MRPL13: variants seen among roughly 807,000 people sequenced by gnomAD.
The protein encoded by MRPL13 is mitochondrial ribosomal protein L13.
MRPL13 carries 33 observed loss-of-function variants against 29.0 expected under a neutral mutation model. That is an observed-to-expected ratio of 1.14 (90% CI 0.86 to 1.52). The LOEUF (loss-of-function observed/expected upper bound fraction) is 1.52, where lower values mean the gene tolerates loss of function less well. Ranked by LOEUF, MRPL13 falls within the 40% of genes most tolerant of loss-of-function variation. The probability of loss-of-function intolerance (pLI) is 0.00; values close to 1 mark genes in which losing one functional copy is unlikely to be tolerated. For synonymous variants in MRPL13, 77 were observed against 68.4 expected, an observed-to-expected ratio of 1.13 and a Z score of -0.62; for missense variants, 227 against 216.7, an observed-to-expected ratio of 1.05 and a Z score of -0.30.
intron 2 of MRPL13, among the ~76,000 whole-genome samples, chr8:120,438,599 G>A (rs1418737675): frequency 6.6e-6 from 1 of 152,168 alleles, no homozygotes; most frequent in Non-Finnish European, 1.5e-5. Context: ...TGTATTATTT[G>A]CATTTCTGCA....
At chr8:120,443,133 A>G (rs1478671283) in intron 2 of MRPL13, 52 bp downstream of exon 2, 24 of 1,415,874 alleles carry the variant, frequency 1.7e-5, no homozygotes, top group Non-Finnish European at 2.0e-5. Context: ...TCAAGATTCT[A>G]TTCTGGCATG....
intron 6 of MRPL13, among the ~76,000 whole-genome samples, chr8:120,405,838 C>T (rs1350992039): frequency 6.6e-6 from 1 of 152,118 alleles, no homozygotes; most frequent in Non-Finnish European, 1.5e-5. Context: ...AATCTCTTCA[C>T]TAGATTAAAT....
Position 120,402,944 on chromosome 8 carries a change from C to A in MRPL13, c.516-6819G>T, listed in dbSNP as rs367800910. Among the ~76,000 whole-genome samples, 122 of 152,196 alleles carry A rather than the reference C, an allele frequency of 8.0e-4. 1 individual carries two copies. The highest frequency in any genetic ancestry group is 2.8e-3 in the African/African-American group (115 of 41,548). ...AGAGAAATGCAAATCAAAACCACAACTGAGATACCATCTCATGCCAGTCAG... is the reference window on the plus strand; with the variant it reads ...AGAGAAATGCAAATCAAAACCACAAATGAGATACCATCTCATGCCAGTCAG... On this transcript the variant is annotated intron_variant, in intron 6 of 6. Coordinates refer to ENST00000306185, the MANE Select transcript of MRPL13 (RefSeq NM_014078.6).
rs143527351 is a variant in MRPL13, at chr8:120,406,268, T to C, written c.515+7723A>G. Among the ~76,000 whole-genome samples, 707 of 152,338 alleles carry C rather than the reference T, an allele frequency of 4.6e-3. 7 individuals are homozygous for C. Among genetic ancestry groups the C allele is most frequent in the South Asian group, 0.028 (137 of 4,830 alleles). On this transcript the variant is annotated intron_variant, in intron 6 of 6. Transcript: ENST00000306185. ...ATGTAATACAAAGTATCCAAAATTG[T>C]ATATATTAGAGTTGCATTAAAGTAA...
intron 6 of MRPL13, among the ~76,000 whole-genome samples, chr8:120,412,926 AAAAAAT>A (rs1008829849): frequency 1.2e-4 from 18 of 152,302 alleles, no homozygotes; most frequent in African/African-American, 2.6e-4. Flanking sequence ...TTTCTCATTT[AAAAAAT>A]AAAAATAAAA....
chr8:120,412,160 A>C (rs1812746967), intron 6 of MRPL13, among the ~76,000 whole-genome samples: 1 of 152,148 alleles, frequency 6.6e-6, no homozygotes, highest in African/African-American at 2.4e-5. Flanking sequence ...CAGGAATATA[A>C]ATTCATTTAT....
Position 120,414,015 on chromosome 8 carries a change from T to C in MRPL13, c.491A>G (p.Asp164Gly). 6.4e-7 allele frequency: 1 copy of C among 1,566,894 alleles called. No homozygotes were observed. Among genetic ancestry groups the C allele is most frequent in the East Asian group, 2.3e-5 (1 of 43,098 alleles). The change falls in exon 6 of 7, where the codon GAC (aspartate) becomes GGC (glycine). Residue 164 changes from aspartate (D) to glycine (G), a missense_variant. By Grantham distance (94) the Asp-to-Gly change is moderately conservative. Transcript: ENST00000306185. The part of the protein sequence containing the change: ...RLDEYTQEEI[D>G]AFPRLWTPPE... ...CGGAGTCCACAATCTTGGGAAGGCG[T>C]CTATTTCTTCTTGTGTGTACTCATC...
At chr8:120,425,502 G>A in intron 3 of MRPL13, 136 bp from the exon 4 acceptor site, 1 of 565,196 alleles carries the variant, frequency 1.8e-6, no homozygotes, top group Non-Finnish European at 3.0e-6. Context: ...TCAAAATTAA[G>A]TAGTAATCTA....
chr8:120,409,243 T>A (rs1368211311), intron 6 of MRPL13, among the ~76,000 whole-genome samples: 1 of 152,202 alleles, frequency 6.6e-6, no homozygotes, highest in East Asian at 1.9e-4. Context: ...AATTAACATG[T>A]AAGGAAAAAT....
In MRPL13 at chr8:120,445,070, G is replaced by A; in HGVS notation, c.25C>T (p.Gln9Ter). Residue 9 changes from glutamine (Q) to a stop codon, truncating the protein, a stop_gained and splice_region_variant, in exon 1 of 7, where the codon CAG becomes TAG. Coordinates refer to ENST00000306185, the MANE Select transcript of MRPL13 (RefSeq NM_014078.6). LOFTEE classifies it high-confidence loss of function. MSSFSRAP[Q>*]QWATFARIWY... Reference sequence around the variant, plus strand: ...AAGCCATAAGAGTCCGAGCTCACCTGGGGCGCCCTAGAGAAACTCGACATA... The same window carrying A: ...AAGCCATAAGAGTCCGAGCTCACCTAGGGCGCCCTAGAGAAACTCGACATA... 1 of 1,613,922 alleles carries A rather than the reference G, an allele frequency of 6.2e-7. No individual in the cohort carries two copies. Among genetic ancestry groups the A allele is most frequent in the Non-Finnish European group, 8.5e-7 (1 of 1,179,920 alleles).
intron 4 of MRPL13, among the ~76,000 whole-genome samples, chr8:120,421,754 C>G (rs927355806): frequency 6.6e-6 from 1 of 151,704 alleles, no homozygotes. Context: ...TAATTTGAAA[C>G]AATTTCTACA....
Position 120,396,008 on chromosome 8 carries a change from C to A in MRPL13, c.*96G>T. ...TTCGGCACATAAAACAGGTGCTGAA[C>A]TGTAGCAGTTGTTTTACTCCATCCT... On this transcript the variant is annotated 3_prime_UTR_variant, in exon 7 of 7. Coordinates refer to ENST00000306185, the MANE Select transcript of MRPL13 (RefSeq NM_014078.6). The A allele has an allele frequency of 9.8e-7, 1 of 1,017,256 alleles. No homozygotes were observed. The highest frequency in any genetic ancestry group is 1.5e-6 in the Non-Finnish European group (1 of 675,838). The allele number at this position is 1,017,256 out of a possible 1,614,324, so 63.0% of individuals were successfully genotyped here.
intron 2 of MRPL13, among the ~76,000 whole-genome samples, chr8:120,442,296 C>T (rs369733147): frequency 7.9e-5 from 12 of 152,136 alleles, no homozygotes; most frequent in African/African-American, 2.4e-4. Context: ...CACCTTAAAA[C>T]CCAGTAATTC....
chr8:120,435,275 GC>G (rs1813040710), intron 2 of MRPL13, among the ~76,000 whole-genome samples: 1 of 152,000 alleles, frequency 6.6e-6, no homozygotes. Context: ...TAGGTAAATT[GC>G]ATGTCATGGG....
intron 2 of MRPL13, among the ~76,000 whole-genome samples, chr8:120,438,221 G>A (rs1214233047): frequency 6.6e-6 from 1 of 152,056 alleles, no homozygotes; most frequent in Non-Finnish European, 1.5e-5. Flanking sequence ...AAACTTAGCT[G>A]GGTATGATGG....
At chr8:120,416,637 A>T (rs2130464713) in intron 5 of MRPL13, among the ~76,000 whole-genome samples, 1 of 152,338 alleles carries the variant, frequency 6.6e-6, no homozygotes, top group Admixed American at 6.5e-5. Context: ...TTACTTTAGA[A>T]AAATTTAAAT....
intron 2 of MRPL13, among the ~76,000 whole-genome samples, chr8:120,432,540 T>C (rs1164486126): frequency 1.3e-5 from 2 of 152,074 alleles, no homozygotes; most frequent in Non-Finnish European, 2.9e-5. Context: ...TGTATATAGA[T>C]ATAAAAAAGT....
chr8:120,445,086 A>C lies in MRPL13; in HGVS notation c.9T>G (p.Ser3Arg). The C allele has an allele frequency of 6.2e-7, 1 of 1,613,482 alleles. No individual in the cohort carries two copies. Residue 3 changes from serine to arginine, a missense_variant, in exon 1 of 7, where the codon AGT becomes AGG. Transcript: ENST00000306185. Reference sequence around the variant, plus strand: ...AGCTCACCTGGGGCGCCCTAGAGAAACTCGACATATTCCTCTACTAGCAGG... The same window carrying C: ...AGCTCACCTGGGGCGCCCTAGAGAACCTCGACATATTCCTCTACTAGCAGG... MS[S>R]FSRAPQQWAT...
At position 120,414,092 on chromosome 8, in the gene MRPL13, A is replaced by G. The variant is rs1586920875; in HGVS notation, c.414T>C (p.Leu138=). Residue 138 remains leucine, a synonymous_variant, in exon 6 of 7, where the codon CTT becomes CTC. Coordinates refer to ENST00000306185, the MANE Select transcript of MRPL13 (RefSeq NM_014078.6). ...FPDEYIPEDI[L]KNLVEELPQP... ...GAGGAAGCTCCTCTACTAAATTCTT[A>G]AGAATATCTTCTGGAATATACTACA... 6.3e-7 allele frequency: 1 copy of G among 1,587,438 alleles called. No individual in the cohort carries two copies. Among genetic ancestry groups the G allele is most frequent in the Non-Finnish European group, 8.5e-7 (1 of 1,170,500 alleles).
Sources: gnomAD v4.1 joint callset for allele counts (sites outside exome capture counted in the v4.1 genomes callset) on GRCh38, gnomAD v4.1.1 for gene constraint, MANE v1.5 for transcripts, NCBI Gene and HGNC (gene_info 2026-07-23, HGNC 2026-07-21) for gene names.